The following GALNTL6 variants were observed in gnomAD, a reference collection of about 807,000 sequenced individuals.
The protein encoded by GALNTL6 is polypeptide N-acetylgalactosaminyltransferase-like 6.
GALNTL6 carries 46 observed loss-of-function variants against 73.7 expected under a neutral mutation model. The observed-to-expected ratio is 0.62, with a 90% CI of 0.49 to 0.80. The LOEUF (loss-of-function observed/expected upper bound fraction) is 0.80, where lower values mean the gene tolerates loss of function less well. Among genes scored for constraint, GALNTL6 ranks in the 30% least tolerant of loss-of-function variants. The probability of loss-of-function intolerance (pLI) is 0.00; values close to 1 mark genes in which losing one functional copy is unlikely to be tolerated. For synonymous variants in GALNTL6, 259 were observed against 263.7 expected, an observed-to-expected ratio of 0.98 and a Z score of 0.17; for missense variants, 604 against 755.0, an observed-to-expected ratio of 0.80 and a Z score of 2.34.
At chr4:171,866,009 A>T (rs962166601) in intron 2 of GALNTL6, among the ~76,000 whole-genome samples, 1 of 152,294 alleles carries the variant, frequency 6.6e-6, no homozygotes, top group Non-Finnish European at 1.5e-5. Flanking sequence ...TGTTAAATAT[A>T]AAAAAGGCTG....
Position 172,757,287 on chromosome 4 carries a change from C to G in GALNTL6, c.554-52074C>G, listed in dbSNP as rs140018992. On this transcript the variant is annotated intron_variant, in intron 5 of 12. Transcript: ENST00000506823. ...ATTTTCTACATTGGAATAGAAAATT[C>G]GTGTTCCTGTTTCTCTACTTCACTG... Among the ~76,000 whole-genome samples the G allele has an allele frequency of 1.3e-3, 201 of 152,258 alleles. 1 individual carries two copies. Among genetic ancestry groups the G allele is most frequent in the African/African-American group, 4.6e-3 (192 of 41,562 alleles).
intron 5 of GALNTL6, among the ~76,000 whole-genome samples, chr4:172,664,139 A>G (rs1380735254): frequency 6.6e-6 from 1 of 152,170 alleles, no homozygotes; most frequent in Non-Finnish European, 1.5e-5. Context: ...CCTTAGGCAC[A>G]GAGAATGTTC....
chr4:172,796,296 A>G (rs1239684423), intron 5 of GALNTL6, among the ~76,000 whole-genome samples: 1 of 152,274 alleles, frequency 6.6e-6, no homozygotes, highest in South Asian at 2.1e-4. Flanking sequence ...TTTATTGAGT[A>G]CTTACAATAT....
intron 2 of GALNTL6, among the ~76,000 whole-genome samples, chr4:171,871,689 AT>A (rs1736142180): frequency 1.3e-5 from 2 of 152,198 alleles, no homozygotes; most frequent in Non-Finnish European, 2.9e-5. Flanking sequence ...TATAAATTAT[AT>A]TTAGGTCCCG....
intron 7 of GALNTL6, among the ~76,000 whole-genome samples, chr4:172,839,292 C>T (rs769659106): frequency 2.4e-4 from 37 of 152,266 alleles, no homozygotes; most frequent in Middle Eastern, 3.4e-3. Flanking sequence ...TGAGAGACTA[C>T]CTGAAGTCAC....
At chr4:172,636,444 T>C (rs1237957568) in intron 5 of GALNTL6, among the ~76,000 whole-genome samples, 1 of 152,168 alleles carries the variant, frequency 6.6e-6, no homozygotes. Flanking sequence ...GATCTTCAGA[T>C]CAGAGGATTC....
intron 5 of GALNTL6, among the ~76,000 whole-genome samples, chr4:172,640,399 A>C (rs1042760920): frequency 1.3e-5 from 2 of 152,132 alleles, no homozygotes; most frequent in African/African-American, 2.4e-5. Flanking sequence ...GATCTCATTT[A>C]ATCTCATGTC....
intron 2 of GALNTL6, among the ~76,000 whole-genome samples, chr4:171,900,799 A>T (rs1447647988): frequency 6.6e-6 from 1 of 152,162 alleles, no homozygotes; most frequent in Non-Finnish European, 1.5e-5. Context: ...AGGAGGTTCA[A>T]AATATAGGAA....
intron 2 of GALNTL6, among the ~76,000 whole-genome samples, chr4:172,019,815 A>T (rs7680708): frequency 0.44 from 66,387 of 151,942 alleles, 15,029 homozygotes; most frequent in Admixed American, 0.54. Flanking sequence ...TTATAGGCCA[A>T]GTGGACCTAA....
At chr4:172,783,854 C>T (rs866460012) in intron 5 of GALNTL6, among the ~76,000 whole-genome samples, 2 of 152,044 alleles carry the variant, frequency 1.3e-5, no homozygotes, top group African/African-American at 2.4e-5. Flanking sequence ...TAAGTATTTA[C>T]TTATCAAGAT....
intron 5 of GALNTL6, among the ~76,000 whole-genome samples, chr4:172,398,824 G>A (rs1743937781): frequency 6.6e-6 from 1 of 151,714 alleles, no homozygotes; most frequent in Non-Finnish European, 1.5e-5. Flanking sequence ...ATTTTTTGGA[G>A]GTTCTTTCAA....
intron 2 of GALNTL6, among the ~76,000 whole-genome samples, chr4:172,093,062 T>C (rs1466777197): frequency 6.6e-6 from 1 of 151,874 alleles, no homozygotes; most frequent in Non-Finnish European, 1.5e-5. Context: ...TGTGTAAAGA[T>C]GGGGTTTCAC....
intron 5 of GALNTL6, among the ~76,000 whole-genome samples, chr4:172,424,404 C>T (rs1162623753): frequency 6.6e-6 from 1 of 151,892 alleles, no homozygotes; most frequent in Non-Finnish European, 1.5e-5. Context: ...GCAATATTTG[C>T]AGTAGGGCCA....
At chr4:172,525,409 G>T (rs1395349344) in intron 5 of GALNTL6, among the ~76,000 whole-genome samples, 1 of 151,978 alleles carries the variant, frequency 6.6e-6, no homozygotes, top group African/African-American at 2.4e-5. Flanking sequence ...TTAAATTTGT[G>T]TGTAGAGTTC....
At chr4:172,760,326 C>T (rs1354388303) in intron 5 of GALNTL6, among the ~76,000 whole-genome samples, 1 of 152,140 alleles carries the variant, frequency 6.6e-6, no homozygotes, top group African/African-American at 2.4e-5. Flanking sequence ...TACAAAAGGC[C>T]TTGAAAATAT....
chr4:171,967,455 T>TTTTCTTTG (rs1739422734), intron 2 of GALNTL6, among the ~76,000 whole-genome samples: 1 of 146,722 alleles, frequency 6.8e-6, no homozygotes, highest in Non-Finnish European at 1.5e-5. Flanking sequence ...GGGTTTTTTT[T>TTTTCTTTG]TTTTTTTTTT....
chr4:172,914,155 A>C (rs931206692), intron 8 of GALNTL6, among the ~76,000 whole-genome samples: 1 of 152,234 alleles, frequency 6.6e-6, no homozygotes, highest in Admixed American at 6.5e-5. Context: ...ACTAGGCTTC[A>C]TAAGTGAAGG....
intron 5 of GALNTL6, among the ~76,000 whole-genome samples, chr4:172,686,656 C>T (rs563585336): frequency 1.3e-5 from 2 of 152,240 alleles, no homozygotes; most frequent in African/African-American, 4.8e-5. Flanking sequence ...TGTATCAAAG[C>T]ATTGAGTGAA....
chr4:172,925,472 G>C (rs1007860332), intron 8 of GALNTL6, among the ~76,000 whole-genome samples: 1 of 152,170 alleles, frequency 6.6e-6, no homozygotes, highest in Non-Finnish European at 1.5e-5. Flanking sequence ...TGGTAAAAGA[G>C]ATTTGGCAAA....
Sources: gnomAD v4.1 joint callset for allele counts (sites outside exome capture counted in the v4.1 genomes callset) on GRCh38, gnomAD v4.1.1 for gene constraint, MANE v1.5 for transcripts, NCBI Gene and HGNC (gene_info 2026-07-23, HGNC 2026-07-21) for gene names.